The following MINDY3 variants were observed in gnomAD, a reference collection of about 807,000 sequenced individuals.
The protein encoded by MINDY3 is MINDY lysine 48 deubiquitinase 3.
In MINDY3, 38 loss-of-function variants were observed where a neutral mutation model predicts 69.2. The observed-to-expected ratio is 0.55, with a 90% CI of 0.42 to 0.72. The LOEUF (loss-of-function observed/expected upper bound fraction) is 0.72, where lower values mean the gene tolerates loss of function less well. Ranked by LOEUF, MINDY3 falls within the 30% of genes least tolerant of loss-of-function variation. MINDY3 has a pLI of 0.00. For missense variants in MINDY3, 522 were observed against 519.0 expected (o/e 1.01, Z -0.06); for synonymous variants, 192 against 180.1 (o/e 1.07, Z -0.53).
intron 4 of MINDY3, among the ~76,000 whole-genome samples, chr10:15,840,999 T>C (rs534200657): frequency 5.3e-5 from 8 of 151,596 alleles, no homozygotes; most frequent in Non-Finnish European, 1.2e-4. Context: ...CAGCTTGCAA[T>C]GAGGAGAAAT....
rs1020159917 is a variant in MINDY3, at chr10:15,816,802, A to G, written c.882+33T>C. 3.4e-6 allele frequency: 5 copies of G among 1,472,656 alleles called. No homozygotes were observed. In the African/African-American group the frequency reaches 5.6e-5, roughly 16 times the overall value. 91.2% of individuals were successfully genotyped at this position (1,472,656 alleles called of 1,614,324 possible). ...TTATAATACTTGTTTGCCTGATGTC[A>G]TAACTTAAAAAAAAATCCTGCTATA... On this transcript the variant is annotated intron_variant, in intron 10 of 14. Coordinates refer to ENST00000277632, the MANE Select transcript of MINDY3 (RefSeq NM_024948.4).
At chr10:15,857,499 T>C (rs1250921189) in intron 1 of MINDY3, among the ~76,000 whole-genome samples, 2 of 152,116 alleles carry the variant, frequency 1.3e-5, no homozygotes, top group Non-Finnish European at 2.9e-5. Context: ...GGGGGGAGGA[T>C]AAATAGTGTT....
intron 11 of MINDY3, among the ~76,000 whole-genome samples, chr10:15,793,949 G>C (rs1837615897): frequency 6.6e-6 from 1 of 152,092 alleles, no homozygotes; most frequent in Admixed American, 6.6e-5. Flanking sequence ...GTCTCATAGA[G>C]GCAATGCTAT....
chr10:15,838,089 T>C (rs1465704699), intron 5 of MINDY3, 139 bp downstream of exon 5: 4 of 1,284,772 alleles, frequency 3.1e-6, no homozygotes, highest in Middle Eastern at 2.6e-4. Context: ...GGCAAATTAA[T>C]CCTGAAGCAA....
At chr10:15,802,141 T>TAA (rs1269097812) in intron 10 of MINDY3, among the ~76,000 whole-genome samples, 19 of 152,000 alleles carry the variant, frequency 1.3e-4, no homozygotes, top group Non-Finnish European at 2.2e-4. Context: ...TACTAGTAGT[T>TAA]AAATTTTTGA....
intron 1 of MINDY3, among the ~76,000 whole-genome samples, chr10:15,855,640 T>C (rs76572448): frequency 0.11 from 16,173 of 152,086 alleles, 1,477 homozygotes; most frequent in African/African-American, 0.24. Flanking sequence ...CAATCTCTTG[T>C]TTTCATATTA....
intron 4 of MINDY3, among the ~76,000 whole-genome samples, chr10:15,839,388 C>T (rs1833307503): frequency 6.6e-6 from 1 of 151,620 alleles, no homozygotes; most frequent in Non-Finnish European, 1.5e-5. Flanking sequence ...AAACTATACA[C>T]ACCACATAAG....
intron 10 of MINDY3, among the ~76,000 whole-genome samples, chr10:15,806,558 T>A (rs1342964935): frequency 1.3e-5 from 2 of 152,172 alleles, no homozygotes; most frequent in African/African-American, 4.8e-5. Flanking sequence ...AAGCTTTGAC[T>A]GTTGATTCAG....
chr10:15,843,641 G>A lies in MINDY3; in HGVS notation c.175-369C>T, dbSNP rs527693445. On this transcript the variant is annotated intron_variant, in intron 2 of 14. Coordinates refer to ENST00000277632, the MANE Select transcript of MINDY3 (RefSeq NM_024948.4). ...TCTACATTTCATTTAGATTCCTTCA[G>A]GTAAAAGAAATCTAAATATAAAAGT... 2.0e-3 allele frequency among the ~76,000 whole-genome samples: 300 copies of A among 152,112 alleles called. 2 individuals are homozygous for A. In the South Asian group the frequency reaches 0.02, roughly 10 times the overall value.
intron 1 of MINDY3, 100 bp downstream of exon 1, chr10:15,860,106 G>A (rs1485013302): frequency 5.7e-6 from 5 of 873,812 alleles, no homozygotes; most frequent in Middle Eastern, 3.3e-4. Context: ...CTGGGGCAGA[G>A]AGCGGGGCAC....
chr10:15,789,252 A>T lies in MINDY3; in HGVS notation c.1023T>A (p.Pro341=). 6.2e-7 allele frequency: 1 copy of T among 1,609,140 alleles called. No homozygotes were observed. The highest frequency in any genetic ancestry group is 8.5e-7 in the Non-Finnish European group (1 of 1,176,324). The change falls in exon 12 of 15, where the codon CCT becomes CCA. Residue 341 remains proline (P), a synonymous_variant. Coordinates refer to ENST00000277632, the MANE Select transcript of MINDY3 (RefSeq NM_024948.4). ...ACACTTCCTATTTAGCTTACTATTCAGGATCTGAAACAAGGTCCAATGCTT... is the reference window on the plus strand; with the variant it reads ...ACACTTCCTATTTAGCTTACTATTCTGGATCTGAAACAAGGTCCAATGCTT... ...VMKALDLVSD[P]EYINLMKNKL...
intron 14 of MINDY3, among the ~76,000 whole-genome samples, chr10:15,779,524 A>G (rs1433851471): frequency 6.6e-6 from 1 of 152,192 alleles, no homozygotes; most frequent in African/African-American, 2.4e-5. Context: ...AGGTTCTCAG[A>G]TGCTCATGCT....
At chr10:15,805,824 A>G (rs1838599989) in intron 10 of MINDY3, among the ~76,000 whole-genome samples, 1 of 152,170 alleles carries the variant, frequency 6.6e-6, no homozygotes, top group African/African-American at 2.4e-5. Context: ...ATCTTAAAAT[A>G]AAAGAGACAC....
chr10:15,788,840 T>C (rs920516401), intron 12 of MINDY3: 1 of 154,206 alleles, frequency 6.5e-6, no homozygotes, highest in Non-Finnish European at 1.4e-5. Flanking sequence ...TCTTTGATCA[T>C]CTTTATTTAA....
chr10:15,846,133 A>T (rs1833828356), intron 2 of MINDY3, among the ~76,000 whole-genome samples: 1 of 152,032 alleles, frequency 6.6e-6, no homozygotes, highest in Admixed American at 6.5e-5. Context: ...GTGATTCTTA[A>T]ACTTAATTAC....
chr10:15,819,158 T>C (rs1200722300), intron 9 of MINDY3, among the ~76,000 whole-genome samples: 2 of 152,166 alleles, frequency 1.3e-5, no homozygotes, highest in Non-Finnish European at 2.9e-5. Flanking sequence ...TATTGCAAAA[T>C]GTTAATTTCA....
intron 1 of MINDY3, among the ~76,000 whole-genome samples, chr10:15,858,976 T>C (rs773044336): frequency 1.3e-5 from 2 of 152,126 alleles, no homozygotes; most frequent in Non-Finnish European, 2.9e-5. Context: ...GTTTGGGAAC[T>C]CAAAGGAAGA....
chr10:15,795,104 A>C (rs1837713651), intron 11 of MINDY3, among the ~76,000 whole-genome samples: 1 of 152,046 alleles, frequency 6.6e-6, no homozygotes, highest in Non-Finnish European at 1.5e-5. Context: ...GAATGTTCAT[A>C]GTTATACTGG....
chr10:15,855,511 G>A (rs566031855), intron 1 of MINDY3, among the ~76,000 whole-genome samples: 5 of 152,052 alleles, frequency 3.3e-5, no homozygotes, highest in African/African-American at 9.6e-5. Context: ...CTAATCCTAC[G>A]TAGACAATTT....
Sources: gnomAD v4.1 joint callset for allele counts (sites outside exome capture counted in the v4.1 genomes callset) on GRCh38, gnomAD v4.1.1 for gene constraint, MANE v1.5 for transcripts, NCBI Gene and HGNC (gene_info 2026-07-23, HGNC 2026-07-21) for gene names.